The following PRKD1 variants were observed in gnomAD, a reference collection of about 807,000 sequenced individuals.
PRKD1 encodes serine/threonine-protein kinase D1.
Under a neutral mutation model 95.9 loss-of-function variants are expected in PRKD1, and 63 were observed. The ratio of observed to expected loss-of-function variants is 0.66; its 90% CI spans 0.54 to 0.81. The LOEUF is 0.81. PRKD1 is among the 30% of genes least tolerant of loss of function. PRKD1 has a pLI of 0.00. For synonymous variants in PRKD1, 425 were observed against 423.1 expected, an observed-to-expected ratio of 1.00 and a Z score of -0.05; for missense variants, 1,048 against 1,165.3, an observed-to-expected ratio of 0.90 and a Z score of 1.47.
intron 12 of PRKD1, 125 bp from the exon 13 acceptor site, chr14:29,624,383 A>T: frequency 1.8e-6 from 1 of 543,744 alleles, no homozygotes; most frequent in Non-Finnish European, 3.1e-6. Flanking sequence ...TAACATTTCT[A>T]AAGAGCACTG....
At chr14:29,660,333 C>T (rs113136324) in intron 4 of PRKD1, among the ~76,000 whole-genome samples, 22 of 152,150 alleles carry the variant, frequency 1.4e-4, no homozygotes, top group Non-Finnish European at 2.5e-4. Context: ...GCCTTTACTG[C>T]GCCTTTATAA....
chr14:29,893,251 A>G (rs1894001996), intron 1 of PRKD1, among the ~76,000 whole-genome samples: 1 of 152,132 alleles, frequency 6.6e-6, no homozygotes, highest in African/African-American at 2.4e-5. Context: ...CAAATATTTA[A>G]TACATATAAG....
At chr14:29,804,087 C>CA (rs45595638) in intron 1 of PRKD1, among the ~76,000 whole-genome samples, 183 of 151,992 alleles carry the variant, frequency 1.2e-3, no homozygotes, top group African/African-American at 4.2e-3. Context: ...ACTAAAAATA[C>CA]AAAAATTAGC....
intron 1 of PRKD1, among the ~76,000 whole-genome samples, chr14:29,768,673 G>T (rs1888370034): frequency 6.7e-6 from 1 of 149,662 alleles, no homozygotes; most frequent in African/African-American, 2.5e-5. Context: ...TTTGTTTGTT[G>T]TTTGTTTGTT....
At chr14:29,818,672 T>G (rs890815276) in intron 1 of PRKD1, among the ~76,000 whole-genome samples, 5 of 152,068 alleles carry the variant, frequency 3.3e-5, no homozygotes, top group African/African-American at 1.2e-4. Flanking sequence ...TTTGTTTGGT[T>G]TCAATATCAA....
At chr14:29,835,996 A>G (rs964885616) in intron 1 of PRKD1, among the ~76,000 whole-genome samples, 39 of 152,232 alleles carry the variant, frequency 2.6e-4, no homozygotes, top group African/African-American at 8.9e-4. Flanking sequence ...TGTATAAGAA[A>G]TATTATTTAA....
chr14:29,908,999 G>T (rs1894597834), intron 1 of PRKD1, among the ~76,000 whole-genome samples: 1 of 152,210 alleles, frequency 6.6e-6, no homozygotes, highest in African/African-American at 2.4e-5. Context: ...TGTGGAGGGA[G>T]AAGCGCAAGC....
At chr14:29,791,937 G>A (rs1047269172) in intron 1 of PRKD1, among the ~76,000 whole-genome samples, 4 of 152,030 alleles carry the variant, frequency 2.6e-5, no homozygotes, top group Non-Finnish European at 4.4e-5. Flanking sequence ...AAGTGATTGT[G>A]GTATTGTATG....
chr14:29,861,086 C>A (rs1428959323), intron 1 of PRKD1, among the ~76,000 whole-genome samples: 1 of 152,048 alleles, frequency 6.6e-6, no homozygotes, highest in Non-Finnish European at 1.5e-5. Flanking sequence ...CTAAACAAGC[C>A]AAATTAAACT....
chr14:29,605,157 A>AGTTTTTCTGAATAGTCATGTTTTATAG (rs1893660902), intron 13 of PRKD1, among the ~76,000 whole-genome samples: 1 of 152,064 alleles, frequency 6.6e-6, no homozygotes, highest in South Asian at 2.1e-4. Flanking sequence ...ACAGCATCCC[A>AGTTTTTCTGAATAGTCATGTTTTATAG]ACTGATCTGG....
chr14:29,886,425 G>T (rs1566655084), intron 1 of PRKD1, among the ~76,000 whole-genome samples: 2 of 152,194 alleles, frequency 1.3e-5, no homozygotes, highest in Non-Finnish European at 2.9e-5. Flanking sequence ...GAAAATCTCA[G>T]ATGAAAGGAG....
At chr14:29,581,598 A>T (rs1292462064) in intron 16 of PRKD1, among the ~76,000 whole-genome samples, 1 of 152,180 alleles carries the variant, frequency 6.6e-6, no homozygotes, top group Non-Finnish European at 1.5e-5. Flanking sequence ...CTGCAGCCAT[A>T]TTATGCCATT....
intron 16 of PRKD1, among the ~76,000 whole-genome samples, chr14:29,587,454 A>C (rs1365342823): frequency 6.6e-6 from 1 of 152,226 alleles, no homozygotes; most frequent in Non-Finnish European, 1.5e-5. Context: ...CTAAACTATG[A>C]TGTACATTCA....
chr14:29,870,302 G>C (rs1197670178), intron 1 of PRKD1, among the ~76,000 whole-genome samples: 1 of 152,066 alleles, frequency 6.6e-6, no homozygotes, highest in Non-Finnish European at 1.5e-5. Flanking sequence ...AGTAAGATCA[G>C]AATAAATTGC....
At chr14:29,606,566 T>A (rs1893710722) in intron 13 of PRKD1, among the ~76,000 whole-genome samples, 1 of 152,158 alleles carries the variant, frequency 6.6e-6, no homozygotes, top group Non-Finnish European at 1.5e-5. Flanking sequence ...TAGCTCTTAA[T>A]AAGGAGATAC....
rs115860380 is a variant in PRKD1 at position 29,631,181 on chromosome 14, A to T, written c.1393-160T>A. Among the ~76,000 whole-genome samples the T allele has an allele frequency of 8.8e-3, 1,339 of 152,218 alleles. 15 individuals carry two copies. The highest frequency in any genetic ancestry group is 0.029 in the African/African-American group (1,217 of 41,546). ...ACACAGAATACTGCTAAGCAAAATT[A>T]AAAAAAATACCTTTACTATGGGAAA... On this transcript the variant is annotated intron_variant, in intron 9 of 17. Transcript: ENST00000331968.
intron 16 of PRKD1, among the ~76,000 whole-genome samples, chr14:29,582,015 C>G (rs976368735): frequency 6.6e-6 from 1 of 151,910 alleles, no homozygotes; most frequent in Non-Finnish European, 1.5e-5. Context: ...TCTCCAAAGG[C>G]TATTTTAGGC....
chr14:29,852,052 T>C (rs901890683), intron 1 of PRKD1, among the ~76,000 whole-genome samples: 11 of 151,942 alleles, frequency 7.2e-5, no homozygotes, highest in Non-Finnish European at 5.9e-5. Context: ...AACATAAAGA[T>C]AGGAACAACA....
chr14:29,598,039 G>A (rs1379589658), intron 15 of PRKD1, among the ~76,000 whole-genome samples: 1 of 152,030 alleles, frequency 6.6e-6, no homozygotes, highest in Admixed American at 6.6e-5. Context: ...ATTTTGGGAG[G>A]CTGAGGCAGG....
Sources: gnomAD v4.1 joint callset for allele counts (sites outside exome capture counted in the v4.1 genomes callset) on GRCh38, gnomAD v4.1.1 for gene constraint, MANE v1.5 for transcripts, NCBI Gene and HGNC (gene_info 2026-07-23, HGNC 2026-07-21) for gene names.